The following RALYL variants were observed in gnomAD, a reference collection of about 807,000 sequenced individuals.
RALYL encodes RALY RNA binding protein like.
A neutral mutation model predicts 35.1 loss-of-function variants in RALYL; 29 were observed. The observed-to-expected ratio is 0.83, with a 90% confidence interval of 0.61 to 1.13. The LOEUF is 1.13. Ranked by LOEUF, RALYL falls within the 50% of genes most tolerant of loss-of-function variation. RALYL has a pLI of 0.00. For synonymous variants in RALYL, 120 were observed against 127.6 expected, an observed-to-expected ratio of 0.94 and a Z score of 0.40; for missense variants, 359 against 360.4, an observed-to-expected ratio of 1.00 and a Z score of 0.03.
chr8:84,811,233 T>C (rs954640571), intron 4 of RALYL, among the ~76,000 whole-genome samples: 8 of 152,166 alleles, frequency 5.3e-5, no homozygotes, highest in African/African-American at 1.9e-4. Context: ...TCTCAGCATT[T>C]GTTTGTCTGA....
chr8:84,716,822 AC>A (rs1342382664), intron 2 of RALYL, among the ~76,000 whole-genome samples: 1 of 152,202 alleles, frequency 6.6e-6, no homozygotes, highest in Non-Finnish European at 1.5e-5. Context: ...TGAAATAAAA[AC>A]AAATCATTAA....
At chr8:84,276,880 A>G (rs1835489187) in intron 1 of RALYL, among the ~76,000 whole-genome samples, 2 of 152,214 alleles carry the variant, frequency 1.3e-5, no homozygotes, top group Admixed American at 1.3e-4. Flanking sequence ...TACAATGACT[A>G]GGTTACAATT....
chr8:84,676,310 A>G (rs1201829981), intron 2 of RALYL, among the ~76,000 whole-genome samples: 2 of 152,200 alleles, frequency 1.3e-5, no homozygotes, highest in South Asian at 2.1e-4. Flanking sequence ...CTTTCTCCAA[A>G]TAGTCCCTGA....
At chr8:84,376,957 G>A (rs1857028474) in intron 1 of RALYL, among the ~76,000 whole-genome samples, 1 of 151,790 alleles carries the variant, frequency 6.6e-6, no homozygotes, top group Non-Finnish European at 1.5e-5. Flanking sequence ...ATACAGTGAA[G>A]CTGAGGAAGA....
At chr8:84,198,026 G>A (rs1457830667) in intron 1 of RALYL, among the ~76,000 whole-genome samples, 3 of 152,048 alleles carry the variant, frequency 2.0e-5, no homozygotes, top group Non-Finnish European at 4.4e-5. Flanking sequence ...CCTCACTGAT[G>A]TTTTACTGCA....
At chr8:84,911,636 C>G (rs1010301588) in intron 8 of RALYL, among the ~76,000 whole-genome samples, 1 of 152,028 alleles carries the variant, frequency 6.6e-6, no homozygotes. Context: ...AGCATCCGAA[C>G]CCACAGGTTA....
chr8:84,307,788 C>T (rs1471313109), intron 1 of RALYL, among the ~76,000 whole-genome samples: 3 of 152,124 alleles, frequency 2.0e-5, no homozygotes, highest in African/African-American at 7.2e-5. Context: ...AGACACAGGA[C>T]TACATCTTTT....
intron 1 of RALYL, among the ~76,000 whole-genome samples, chr8:84,192,906 T>TTG (rs1554564124): frequency 8.4e-5 from 5 of 59,454 alleles, no homozygotes; most frequent in Admixed American, 2.0e-4. Context: ...TGTGTGTGTG[T>TTG]GGGGGGGGGG....
intron 1 of RALYL, among the ~76,000 whole-genome samples, chr8:84,270,129 G>A (rs142682735): frequency 0.019 from 2,887 of 152,212 alleles, 42 homozygotes; most frequent in Non-Finnish European, 0.031. Flanking sequence ...AACGGATTAA[G>A]TCATTACAGC....
intron 2 of RALYL, among the ~76,000 whole-genome samples, chr8:84,702,537 T>TCACACACACA (rs773689586): frequency 1.4e-5 from 2 of 143,610 alleles, no homozygotes; most frequent in African/African-American, 5.2e-5. Context: ...TCTCTCTCTC[T>TCACACACACA]CTCACACACA....
At chr8:84,601,245 G>A (rs755034797) in intron 2 of RALYL, among the ~76,000 whole-genome samples, 5 of 152,102 alleles carry the variant, frequency 3.3e-5, no homozygotes, top group Non-Finnish European at 5.9e-5. Context: ...ATTTTAGAAG[G>A]GAGGAGATGA....
intron 2 of RALYL, among the ~76,000 whole-genome samples, chr8:84,765,578 GT>G (rs1479480218): frequency 6.6e-6 from 1 of 152,176 alleles, no homozygotes; most frequent in African/African-American, 2.4e-5. Flanking sequence ...TCACAGGGTT[GT>G]TCTGAGGATC....
intron 8 of RALYL, among the ~76,000 whole-genome samples, chr8:84,890,920 G>C (rs1205398602): frequency 6.6e-6 from 1 of 152,118 alleles, no homozygotes; most frequent in South Asian, 2.1e-4. Context: ...ACACGGTTGT[G>C]GGGGGCAGTT....
chr8:84,433,860 T>A (rs750312934), intron 1 of RALYL, among the ~76,000 whole-genome samples: 73 of 145,252 alleles, frequency 5.0e-4, no homozygotes, highest in Non-Finnish European at 9.2e-4. Flanking sequence ...TATATATATA[T>A]ATAATACCAT....
intron 2 of RALYL, among the ~76,000 whole-genome samples, chr8:84,748,203 A>G (rs1401720615): frequency 6.6e-6 from 1 of 151,990 alleles, no homozygotes; most frequent in Non-Finnish European, 1.5e-5. Context: ...CTTGGCCATG[A>G]TTCAACAGAG....
chr8:84,512,704 G>A (rs115876204), intron 1 of RALYL, among the ~76,000 whole-genome samples: 365 of 152,016 alleles, frequency 2.4e-3, no homozygotes, highest in African/African-American at 8.4e-3. Context: ...GTTTATTTTT[G>A]TGTATGATAA....
In RALYL at chr8:84,841,205, G is replaced by A. The variant is rs948740375; in HGVS notation, c.366-8775G>A. 4.6e-5 allele frequency among the ~76,000 whole-genome samples: 7 copies of A among 152,292 alleles called. 2 individuals are homozygous for A. Among genetic ancestry groups the A allele is most frequent in the African/African-American group, 1.7e-4 (7 of 41,550 alleles). On this transcript the variant is annotated intron_variant, in intron 4 of 8. Coordinates refer to ENST00000521268, the MANE Select transcript of RALYL (RefSeq NM_173848.7). Reference sequence around the variant, plus strand: ...ATAAAGAGTCAAGACCCATCAGTGTGCTGTATTCAGGAAACCCATCTCACA... The same window carrying A: ...ATAAAGAGTCAAGACCCATCAGTGTACTGTATTCAGGAAACCCATCTCACA...
chr8:84,817,633 C>A (rs1398568677), intron 4 of RALYL, among the ~76,000 whole-genome samples: 3 of 151,936 alleles, frequency 2.0e-5, no homozygotes, highest in African/African-American at 7.3e-5. Flanking sequence ...ACAGTCACTG[C>A]AGCCTCAACC....
intron 4 of RALYL, among the ~76,000 whole-genome samples, chr8:84,847,840 C>A (rs913712339): frequency 5.3e-5 from 8 of 152,092 alleles, no homozygotes; most frequent in African/African-American, 1.9e-4. Flanking sequence ...TATTTCAGCA[C>A]CTGAACCCAA....
Sources: gnomAD v4.1 joint callset for allele counts (sites outside exome capture counted in the v4.1 genomes callset) on GRCh38, gnomAD v4.1.1 for gene constraint, MANE v1.5 for transcripts, NCBI Gene and HGNC (gene_info 2026-07-23, HGNC 2026-07-21) for gene names.